TEX11: variants seen among roughly 807,000 people sequenced by gnomAD.
TEX11 encodes testis-expressed protein 11.
TEX11 carries 7 observed loss-of-function variants against 84.4 expected under a neutral mutation model. That is an observed-to-expected ratio of 0.08 (90% confidence interval 0.05 to 0.16). TEX11 has a LOEUF of 0.16. Among genes scored for constraint, TEX11 ranks in the 10% least tolerant of loss-of-function variants. The probability of loss-of-function intolerance (pLI) is 1.00; values close to 1 mark genes in which losing one functional copy is unlikely to be tolerated. For synonymous variants in TEX11, 264 were observed against 222.8 expected, an observed-to-expected ratio of 1.18 and a Z score of -1.64; for missense variants, 551 against 660.5, an observed-to-expected ratio of 0.83 and a Z score of 1.82.
intron 20 of TEX11, among the ~76,000 whole-genome samples, chrX:70,615,120 T>A (rs2089303850): frequency 9.1e-6 from 1 of 110,335 alleles, no homozygotes; most frequent in South Asian, 3.9e-4. Flanking sequence ...TAATACTAAT[T>A]ATTCAGTGCC....
At chrX:70,788,973 T>TATATATAGAG (rs1211700739) in intron 9 of TEX11, among the ~76,000 whole-genome samples, 3 of 9,558 alleles carry the variant, frequency 3.1e-4, no homozygotes, top group Non-Finnish European at 5.4e-4. Context: ...TATATATATA[T>TATATATAGAG]AGAGAGAGAG....
At chrX:70,881,005 CAAAAAAAAA>C (rs11284342) in intron 2 of TEX11, among the ~76,000 whole-genome samples, 9 of 46,230 alleles carry the variant, frequency 1.9e-4, no homozygotes, top group South Asian at 1.4e-3. Context: ...AGACATCATC[CAAAAAAAAA>C]AAAAAAAAAA....
At chrX:70,533,436 G>C (rs752304962) in intron 28 of TEX11, among the ~76,000 whole-genome samples, 79 of 112,205 alleles carry the variant, frequency 7.0e-4, no homozygotes, top group African/African-American at 2.5e-3. Flanking sequence ...AAAGGACAGA[G>C]TACAGAATAC....
chrX:70,615,696 C>G (rs1569357845), intron 20 of TEX11, among the ~76,000 whole-genome samples: 2 of 111,212 alleles, frequency 1.8e-5, no homozygotes, highest in Non-Finnish European at 3.8e-5. Context: ...TACAGAACAC[C>G]AAGTAGATTT....
chrX:70,607,148 C>G (rs781350591), intron 22 of TEX11, 119 bp from the exon 23 acceptor site: 1 of 503,262 alleles, frequency 2.0e-6, no homozygotes, highest in East Asian at 4.1e-5. Flanking sequence ...TAAGGGGTTT[C>G]TCAAGGTTTA....
chrX:70,797,053 G>T (rs892370234), intron 9 of TEX11, among the ~76,000 whole-genome samples: 1 of 112,309 alleles, frequency 8.9e-6, no homozygotes, highest in African/African-American at 3.2e-5. Flanking sequence ...AAGCAGTTTG[G>T]AGATTTCTCA....
intron 13 of TEX11, among the ~76,000 whole-genome samples, chrX:70,712,538 T>G (rs1026580011): frequency 2.7e-5 from 3 of 111,544 alleles, no homozygotes; most frequent in African/African-American, 9.8e-5. Flanking sequence ...AGGTATTTTA[T>G]TCTCTTTGAA....
In TEX11 at chrX:70,664,853, C is replaced by CAA. The variant is rs373605325; in HGVS notation, c.1380+5522_1380+5523dup. On this transcript the variant is annotated intron_variant, in intron 16 of 29. Transcript: ENST00000374333. Reference sequence around the variant, plus strand: ...GAAAGGTACATCTACCTAAGAATTACAAAAAAAAAAAAAAAAACCCTCAGA... The same window carrying CAA: ...GAAAGGTACATCTACCTAAGAATTACAAAAAAAAAAAAAAAAAAACCCTCAGA... Among the ~76,000 whole-genome samples the CAA allele has an allele frequency of 6.5e-3, 350 of 54,071 alleles. 5 individuals carry two copies. The highest frequency in any genetic ancestry group is 0.032 in the Middle Eastern group (2 of 63). The allele number at this position is 54,071 out of a possible 115,157, so 47.0% of individuals were successfully genotyped here.
chrX:70,836,646 C>T (rs1253678533), intron 7 of TEX11, among the ~76,000 whole-genome samples: 1 of 111,632 alleles, frequency 9.0e-6, no homozygotes, highest in East Asian at 2.8e-4. Context: ...AGGATAGCTA[C>T]AATAAAAAAA....
chrX:70,744,877 A>ATT (rs773966964), intron 9 of TEX11, among the ~76,000 whole-genome samples: 1 of 98,024 alleles, frequency 1.0e-5, no homozygotes, highest in African/African-American at 3.7e-5. Context: ...TGCGTGGCTA[A>ATT]TTTTTTTTTT....
At chrX:70,605,902 A>G (rs770376782) in intron 23 of TEX11, among the ~76,000 whole-genome samples, 26 of 111,660 alleles carry the variant, frequency 2.3e-4, no homozygotes, top group Non-Finnish European at 1.7e-4. Flanking sequence ...AAATTAGTTC[A>G]TATATTGTCA....
At chrX:70,565,780 A>T (rs1399989761) in intron 25 of TEX11, among the ~76,000 whole-genome samples, 1 of 111,478 alleles carries the variant, frequency 9.0e-6, no homozygotes, top group African/African-American at 3.3e-5. Flanking sequence ...TTTTGGTACC[A>T]GTACCATGCT....
intron 28 of TEX11, among the ~76,000 whole-genome samples, chrX:70,550,184 T>C (rs1368238070): frequency 8.9e-6 from 1 of 112,594 alleles, no homozygotes; most frequent in Non-Finnish European, 1.9e-5. Context: ...AAACTGGATA[T>C]CCATATGCAG....
chrX:70,595,171 T>A (rs765486576), intron 24 of TEX11, among the ~76,000 whole-genome samples: 2 of 111,559 alleles, frequency 1.8e-5, no homozygotes, highest in East Asian at 2.8e-4. Flanking sequence ...AACCTCTGCC[T>A]GCCGGATTCA....
downstream of TEX11, among the ~76,000 whole-genome samples, chrX:70,528,481 CTA>C (rs2087844065): frequency 1.0e-5 from 1 of 97,605 alleles, no homozygotes; most frequent in African/African-American, 3.8e-5. Context: ...CCATGCCTGG[CTA>C]TTTTTTTTTT....
chrX:70,690,125 T>A (rs2090221959), intron 13 of TEX11, among the ~76,000 whole-genome samples: 1 of 111,411 alleles, frequency 9.0e-6, no homozygotes, highest in South Asian at 3.8e-4. Context: ...GAAACTACTA[T>A]GGCCAAATGA....
chrX:70,720,666 C>T (rs1231498910), intron 13 of TEX11, among the ~76,000 whole-genome samples: 1 of 109,366 alleles, frequency 9.1e-6, no homozygotes, highest in East Asian at 2.8e-4. Flanking sequence ...AACAGGATTG[C>T]TTATTTTATT....
chrX:70,544,836 CAAAAAAAAAAA>C (rs140403649), intron 28 of TEX11, among the ~76,000 whole-genome samples: 4 of 26,420 alleles, frequency 1.5e-4, no homozygotes, highest in African/African-American at 4.4e-4. Context: ...GACTCCATCT[CAAAAAAAAAAA>C]AAAAAAAAAA....
intron 8 of TEX11, among the ~76,000 whole-genome samples, chrX:70,832,320 C>T (rs1461580364): frequency 8.9e-6 from 1 of 111,959 alleles, no homozygotes; most frequent in Non-Finnish European, 1.9e-5. Flanking sequence ...AGACTGAAGA[C>T]TATGTATAAT....
Sources: allele counts gnomAD v4.1 joint callset (sites outside exome capture counted in the v4.1 genomes callset), GRCh38; gene constraint gnomAD v4.1.1; transcripts MANE v1.5; gene names NCBI Gene and HGNC (gene_info 2026-07-23, HGNC 2026-07-21).